Variants in EIPR1 observed in about 807,000 individuals in gnomAD.
EIPR1 encodes EARP and GARP complex-interacting protein 1.
EIPR1 carries 25 observed loss-of-function variants against 48.1 expected under a neutral mutation model. The observed-to-expected ratio is 0.52, with a 90% confidence interval of 0.38 to 0.73. EIPR1 has a LOEUF of 0.73. Among genes scored for constraint, EIPR1 ranks in the 30% least tolerant of loss-of-function variants. EIPR1 has a pLI of 0.00. For synonymous variants in EIPR1, 204 were observed against 201.9 expected, an observed-to-expected ratio of 1.01 and a Z score of -0.09; for missense variants, 415 against 506.2, an observed-to-expected ratio of 0.82 and a Z score of 1.73.
At chr2:3,325,328 G>A (rs1385782441) in intron 3 of EIPR1, among the ~76,000 whole-genome samples, 4 of 152,240 alleles carry the variant, frequency 2.6e-5, no homozygotes, top group African/African-American at 4.8e-5. Flanking sequence ...TCCAGGTTGT[G>A]AGAATGGGAA....
intron 3 of EIPR1, among the ~76,000 whole-genome samples, chr2:3,322,887 C>T (rs762197505): frequency 5.3e-5 from 8 of 152,244 alleles, no homozygotes; most frequent in East Asian, 1.9e-4. Context: ...CCATCAGCAC[C>T]GTCCCTCCCG....
intron 5 of EIPR1, chr2:3,209,068 G>T: frequency 7.0e-7 from 1 of 1,431,726 alleles, no homozygotes; most frequent in Non-Finnish European, 9.1e-7. Context: ...TGGTGGGAAG[G>T]CAGGGTGTAC....
chr2:3,270,426 G>A (rs1667671628), intron 3 of EIPR1, among the ~76,000 whole-genome samples: 3 of 152,306 alleles, frequency 2.0e-5, no homozygotes, highest in South Asian at 2.1e-4. Flanking sequence ...GGTGGTAGCT[G>A]CTTCCCATGG....
At chr2:3,330,321 G>T (rs1669847421) in intron 3 of EIPR1, among the ~76,000 whole-genome samples, 1 of 152,200 alleles carries the variant, frequency 6.6e-6, no homozygotes, top group South Asian at 2.1e-4. Flanking sequence ...TTTCAAAATG[G>T]CTTGCACTAG....
chr2:3,245,565 T>C (rs1425455768), intron 4 of EIPR1, among the ~76,000 whole-genome samples: 1 of 152,244 alleles, frequency 6.6e-6, no homozygotes, highest in Non-Finnish European at 1.5e-5. Context: ...AAGACATTTT[T>C]CTATTCTCCT....
intron 3 of EIPR1, among the ~76,000 whole-genome samples, chr2:3,291,881 G>T (rs2103274822): frequency 6.6e-6 from 1 of 152,348 alleles, no homozygotes; most frequent in South Asian, 2.1e-4. Context: ...CATGACCATG[G>T]CAATGTCACA....
At chr2:3,309,004 C>G (rs554350697) in intron 3 of EIPR1, among the ~76,000 whole-genome samples, 5 of 151,928 alleles carry the variant, frequency 3.3e-5, no homozygotes, top group Admixed American at 3.3e-4. Flanking sequence ...ATTTTTCAAA[C>G]GGAAAGAAAT....
intron 3 of EIPR1, among the ~76,000 whole-genome samples, chr2:3,314,760 C>A (rs1328174828): frequency 6.6e-6 from 1 of 151,932 alleles, no homozygotes; most frequent in Non-Finnish European, 1.5e-5. Flanking sequence ...CTCTCTCCCC[C>A]AGCCTCCAGC....
At chr2:3,284,919 G>A (rs1394515258) in intron 3 of EIPR1, among the ~76,000 whole-genome samples, 1 of 152,276 alleles carries the variant, frequency 6.6e-6, no homozygotes, top group South Asian at 2.1e-4. Flanking sequence ...GAAAGCGGGT[G>A]TCAGAACCAC....
intron 3 of EIPR1, among the ~76,000 whole-genome samples, chr2:3,273,710 G>C (rs546806373): frequency 6.6e-6 from 1 of 152,180 alleles, no homozygotes; most frequent in South Asian, 2.1e-4. Context: ...GGCCGCCCTG[G>C]ACATTTTCCA....
chr2:3,324,869 G>A (rs958055177), intron 3 of EIPR1, among the ~76,000 whole-genome samples: 3 of 152,210 alleles, frequency 2.0e-5, no homozygotes, highest in Non-Finnish European at 4.4e-5. Context: ...ACCAGGCTGG[G>A]GTCAGTGGCG....
At chr2:3,196,268 G>A (rs1187571890) in intron 6 of EIPR1, among the ~76,000 whole-genome samples, 2 of 152,202 alleles carry the variant, frequency 1.3e-5, no homozygotes, top group East Asian at 3.8e-4. Context: ...GATAAATTAT[G>A]GTGTGCTGAG....
Position 3,307,732 on chromosome 2 carries a change from G to A in EIPR1, c.259+30285C>T, listed in dbSNP as rs1284122713. Among the ~76,000 whole-genome samples the A allele has an allele frequency of 2.0e-5, 3 of 152,234 alleles. No homozygotes were observed. The East Asian group carries it at 5.8e-4, about 29-fold the overall frequency. On this transcript the variant is annotated intron_variant, in intron 3 of 8. Coordinates refer to ENST00000382125, the MANE Select transcript of EIPR1 (RefSeq NM_003310.5). ...AGGGATGAAGAGAAGCTGGTGAATG[G>A]TATAAACATAGTTATATGGAAGGAA...
chr2:3,342,513 GTGGCCCCCAAGC>G (rs1670282685), intron 2 of EIPR1, among the ~76,000 whole-genome samples: 1 of 152,250 alleles, frequency 6.6e-6, no homozygotes, highest in Non-Finnish European at 1.5e-5. Context: ...ACAGTGCAGC[GTGGCCCCCAAGC>G]TGGCCCCTCG....
Position 3,189,600 on chromosome 2 carries a change from A to T in EIPR1, c.990-92T>A. ...AGGACGCGAGCGCTGACATCGGGAG[A>T]CACGGGAGGTACTGGGGCCTCAGCT... On this transcript the variant is annotated intron_variant, in intron 8 of 8. Transcript: ENST00000382125. The surrounding 1 kb of genome is among the most constrained non-coding windows in gnomAD (Gnocchi z 4.6). The T allele has an allele frequency of 7.9e-7, 1 of 1,270,254 alleles. No homozygotes were observed. The highest frequency in any genetic ancestry group is 2.7e-5 in the East Asian group (1 of 37,570). 78.7% of individuals were successfully genotyped at this position (1,270,254 alleles called of 1,614,324 possible).
rs550223389 is a variant in EIPR1 at position 3,219,565 on chromosome 2, C to G, written c.417-5317G>C. The stretch of plus-strand genomic sequence containing the variant: ...GCCCTGGTATGCTCTAGAGCATTCA[C>G]AGTGAGTCAGGTGCACACCAAGCAT... On this transcript the variant is annotated intron_variant, in intron 4 of 8. Coordinates refer to ENST00000382125, the MANE Select transcript of EIPR1 (RefSeq NM_003310.5). Among the ~76,000 whole-genome samples, 489 of 151,516 alleles carry G rather than the reference C, an allele frequency of 3.2e-3. 4 individuals carry two copies. The highest frequency in any genetic ancestry group is 0.017 in the Middle Eastern group (5 of 292).
intron 5 of EIPR1, chr2:3,208,681 C>T (rs1437460903): frequency 1.3e-6 from 2 of 1,550,376 alleles, no homozygotes; most frequent in African/African-American, 1.4e-5. Flanking sequence ...TAACTCAACC[C>T]CAATTCCCCC....
chr2:3,257,170 G>C (rs751999918), intron 4 of EIPR1, 129 bp downstream of exon 4: 2 of 1,088,814 alleles, frequency 1.8e-6, no homozygotes, highest in East Asian at 5.6e-5. Context: ...TCAAATTCTC[G>C]CAGCTTTTTA....
At chr2:3,333,496 G>C (rs1245809822) in intron 3 of EIPR1, among the ~76,000 whole-genome samples, 1 of 152,118 alleles carries the variant, frequency 6.6e-6, no homozygotes, top group Non-Finnish European at 1.5e-5. Flanking sequence ...CCAGTGCTTT[G>C]GGAGGGTGAA....
Sources: gnomAD v4.1 joint callset for allele counts (sites outside exome capture counted in the v4.1 genomes callset) on GRCh38, gnomAD v4.1.1 for gene constraint, Gnocchi (gnomAD v3.1) non-coding constraint, MANE v1.5 for transcripts, NCBI Gene and HGNC (gene_info 2026-07-23, HGNC 2026-07-21) for gene names.